Variants in ITPR1 observed in about 807,000 individuals in gnomAD.
ITPR1 encodes the protein inositol 1,4,5-trisphosphate receptor type 1.
In ITPR1, 96 loss-of-function variants were observed where a neutral mutation model predicts 318.4. The observed-to-expected ratio is 0.30, with a 90% CI of 0.26 to 0.36. The LOEUF (loss-of-function observed/expected upper bound fraction) is 0.36. ITPR1 is among the 10% of genes least tolerant of loss of function. The probability of loss-of-function intolerance (pLI) is 1.00; values close to 1 mark genes in which losing one functional copy is unlikely to be tolerated. For missense variants in ITPR1, 2,440 were observed against 3,460.2 expected, an observed-to-expected ratio of 0.71 and a Z score of 7.40; for synonymous variants, 1,312 against 1,289.9, an observed-to-expected ratio of 1.02 and a Z score of -0.37.
In ITPR1 at chr3:4,562,174, A is replaced by C. The variant is rs577072944; in HGVS notation, c.163+41080A>C. Among the ~76,000 whole-genome samples, 27 of 152,324 alleles carry C rather than the reference A, an allele frequency of 1.8e-4. No individual in the cohort carries two copies. The South Asian group carries it at 5.6e-3, about 32-fold the overall frequency. On this transcript the variant is annotated intron_variant, in intron 4 of 61. Transcript: ENST00000649015. ...ACAGATTTGCGTTGGGCTGCATTCA[A>C]AGCCATCCTGGGCCGTGGGTTGGAC...
Position 4,760,186 on chromosome 3 carries a change from A to G in ITPR1, c.5545-6344A>G, listed in dbSNP as rs191612628. Among the ~76,000 whole-genome samples, 200 of 152,370 alleles carry G rather than the reference A, an allele frequency of 1.3e-3. 1 individual carries two copies. The highest frequency in any genetic ancestry group is 3.4e-3 in the Middle Eastern group (1 of 294). On this transcript the variant is annotated intron_variant, in intron 44 of 61. Transcript: ENST00000649015. ...CCAGCTCTCTCATCTATAATGTGAC[A>G]GATTTATGAATGATGATATCTGCCT... is the stretch of plus-strand genomic sequence containing the variant.
chr3:4,722,523 A>G (rs368606285), intron 40 of ITPR1, among the ~76,000 whole-genome samples: 71 of 152,324 alleles, frequency 4.7e-4, no homozygotes, highest in African/African-American at 1.5e-3. Context: ...ACTAAACATT[A>G]TCTTTTCCTT....
chr3:4,496,587 A>T (rs917716534), intron 2 of ITPR1, among the ~76,000 whole-genome samples: 2 of 152,224 alleles, frequency 1.3e-5, no homozygotes, highest in African/African-American at 4.8e-5. Context: ...GGTTGCTTAG[A>T]AAAAAAGAGA....
chr3:4,671,705 T>A (rs999589461), intron 20 of ITPR1: 2 of 152,210 alleles, frequency 1.3e-5, no homozygotes, highest in Non-Finnish European at 2.9e-5. Flanking sequence ...AATTAATACT[T>A]TTAAAAGAAA....
chr3:4,726,551 A>C (rs138613953), intron 41 of ITPR1, among the ~76,000 whole-genome samples: 123 of 152,332 alleles, frequency 8.1e-4, no homozygotes, highest in African/African-American at 2.9e-3. Flanking sequence ...TTAAAAATGA[A>C]ACATGAACAA....
rs188412923 is a variant in ITPR1 at position 4,779,903 on chromosome 3, C to T, written c.6387+258C>T. Among the ~76,000 whole-genome samples, 5 of 149,642 alleles carry T rather than the reference C, an allele frequency of 3.3e-5. No individual in the cohort carries two copies. In the South Asian group the frequency reaches 6.8e-4, roughly 20 times the overall value. Reference sequence around the variant, plus strand: ...CCGTTGAAAGTAATGGCAAAAACCGCGATTACTTTTGCACCAACCTATATG... The same window carrying T: ...CCGTTGAAAGTAATGGCAAAAACCGTGATTACTTTTGCACCAACCTATATG... On this transcript the variant is annotated intron_variant, in intron 49 of 61. Transcript: ENST00000649015. The surrounding 1 kb of genome is among the most constrained non-coding windows in gnomAD (Gnocchi z 4.0).
At chr3:4,832,583 T>C (rs1219659493) in intron 60 of ITPR1, among the ~76,000 whole-genome samples, 5 of 152,092 alleles carry the variant, frequency 3.3e-5, no homozygotes, top group Non-Finnish European at 7.4e-5. Context: ...TGCAATGAGC[T>C]GAGATGGCGC....
In ITPR1 at chr3:4,710,618, C is replaced by G. The variant is rs1293880939; in HGVS notation, c.4991+145C>G. The G allele has an allele frequency of 5.5e-6, 4 of 721,944 alleles. No homozygotes were observed. The South Asian group carries it at 7.5e-5, about 13-fold the overall frequency. 44.7% of individuals were successfully genotyped at this position (721,944 alleles called of 1,614,324 possible). On this transcript the variant is annotated intron_variant, in intron 38 of 61. Transcript: ENST00000649015. This position sits in a 1 kb window ranked among gnomAD's most constrained non-coding sequence, Gnocchi z 4.2. Reference sequence around the variant, plus strand: ...GTGCTAAAGTCCTGTTCTGACCTCCCCAAAGTAAGTTTGTCTATTAAATCC... The same window carrying G: ...GTGCTAAAGTCCTGTTCTGACCTCCGCAAAGTAAGTTTGTCTATTAAATCC...
rs1559515274 is a variant in ITPR1 at position 4,601,181 on chromosome 3, T to TTTA, written c.164-26580_164-26579insATT. 8.0e-4 allele frequency among the ~76,000 whole-genome samples: 119 copies of TTTA among 148,778 alleles called. 1 individual carries two copies. Among genetic ancestry groups the TTTA allele is most frequent in the African/African-American group, 2.6e-3 (107 of 40,640 alleles). On this transcript the variant is annotated intron_variant, in intron 4 of 61. Transcript: ENST00000649015. The stretch of plus-strand genomic sequence containing the variant: ...TTAAATGGGGAAAAATATTCTTTTT[T>TTTA]TTTTTTTTTTTGGCACTGGGGCAAC...
In ITPR1 at chr3:4,639,443, C is replaced by G; in HGVS notation, c.339C>G (p.Thr113=). 1 of 1,581,936 alleles carries G rather than the reference C, an allele frequency of 6.3e-7. No individual in the cohort carries two copies. Among genetic ancestry groups the G allele is most frequent in the East Asian group, 2.3e-5 (1 of 43,440 alleles). ...NETENRKLLG[T]VIQYGNVIQL... is the part of the protein sequence containing the mutation. ...CAGAAAACAGGAAATTGCTGGGGAC[C>G]GTAATCCAGTATGGCAATGTGATCC... The change falls in exon 6 of 62, where the codon ACC becomes ACG. Residue 113 remains threonine (T), a synonymous_variant. Transcript: ENST00000649015.
rs187078919 is a variant in ITPR1, at chr3:4,577,694, G to T, written c.164-50069G>T. ...AAAAACAACTTTATGATGGAAAGTC[G>T]TGTCCTCTGTAACCTCTAATTCTTT... is the stretch of plus-strand genomic sequence containing the variant. On this transcript the variant is annotated intron_variant, in intron 4 of 61. Coordinates refer to ENST00000649015, the MANE Select transcript of ITPR1 (RefSeq NM_001378452.1). Among the ~76,000 whole-genome samples the T allele has an allele frequency of 3.3e-5, 5 of 152,272 alleles. No individual in the cohort carries two copies. In the East Asian group the frequency reaches 9.7e-4, roughly 29 times the overall value.
At position 4,735,247 on chromosome 3, in the gene ITPR1, T is replaced by G; in HGVS notation, c.5437T>G (p.Ser1813Ala). 1 of 1,613,928 alleles carries G rather than the reference T, an allele frequency of 6.2e-7. No homozygotes were observed. Among genetic ancestry groups the G allele is most frequent in the Non-Finnish European group, 8.5e-7 (1 of 1,179,834 alleles). ...VQCHLDKEGA[S>A]NLVIDLIMNA... ...GTGTCACCTTGACAAGGAGGGGGCT[T>G]CCAATCTAGTTATCGACCTCATCAT... The change falls in exon 44 of 62, where the codon TCC (serine) becomes GCC (alanine). Residue 1813 changes from serine to alanine, a missense_variant. Ser to Ala is a moderately conservative substitution (Grantham distance 99). Transcript: ENST00000649015.
intron 39 of ITPR1, 148 bp from the exon 40 acceptor site, chr3:4,717,219 A>T (rs2041834975): frequency 1.4e-6 from 1 of 710,190 alleles, no homozygotes; most frequent in African/African-American, 1.8e-5. Context: ...GCCGTGTCCT[A>T]AGCGCCCAAG....
intron 44 of ITPR1, chr3:4,751,185 G>T (rs568542835): frequency 1.3e-5 from 2 of 152,500 alleles, no homozygotes; most frequent in Non-Finnish European, 2.9e-5. Flanking sequence ...AAATAGAACC[G>T]CAAGAAAACA....
In ITPR1 at chr3:4,779,864, C is replaced by T. The variant is rs1193337996; in HGVS notation, c.6387+219C>T. ...TTGCTATTACTTTCAATGGCAAAAC[C>T]ACTATTACTTTTGCCGTTGAAAGTA... is the stretch of plus-strand genomic sequence containing the variant. On this transcript the variant is annotated intron_variant, in intron 49 of 61. Transcript: ENST00000649015. The surrounding 1 kb of genome is among the most constrained non-coding windows in gnomAD (Gnocchi z 4.0). Among the ~76,000 whole-genome samples, 1 of 146,184 alleles carries T rather than the reference C, an allele frequency of 6.8e-6. No individual in the cohort carries two copies. The highest frequency in any genetic ancestry group is 1.5e-5 in the Non-Finnish European group (1 of 66,510).
chr3:4,513,962 C>T (rs903638862), intron 2 of ITPR1, among the ~76,000 whole-genome samples: 1 of 152,120 alleles, frequency 6.6e-6, no homozygotes, highest in Non-Finnish European at 1.5e-5. Flanking sequence ...CGGTGGGTGC[C>T]TGTAATCCCA....
At chr3:4,746,238 C>A (rs1287219470) in intron 44 of ITPR1, among the ~76,000 whole-genome samples, 1 of 152,086 alleles carries the variant, frequency 6.6e-6, no homozygotes, top group Non-Finnish European at 1.5e-5. Context: ...GTCAGTGATG[C>A]CCCCCAAATG....
chr3:4,601,393 C>G (rs1042483749), intron 4 of ITPR1, among the ~76,000 whole-genome samples: 2 of 151,664 alleles, frequency 1.3e-5, no homozygotes, highest in African/African-American at 4.8e-5. Flanking sequence ...GTTGCATACA[C>G]CTGTAGTCCC....
chr3:4,507,517 A>G (rs770318954), intron 2 of ITPR1, among the ~76,000 whole-genome samples: 3 of 152,240 alleles, frequency 2.0e-5, no homozygotes, highest in Non-Finnish European at 4.4e-5. Context: ...GTGAAACAAA[A>G]TTGCTTCCTA....
Sources: gnomAD v4.1 joint callset for allele counts (sites outside exome capture counted in the v4.1 genomes callset) on GRCh38, gnomAD v4.1.1 for gene constraint, Gnocchi (gnomAD v3.1) non-coding constraint, MANE v1.5 for transcripts, NCBI Gene and HGNC (gene_info 2026-07-23, HGNC 2026-07-21) for gene names.